The following KIAA0825 variants were observed in gnomAD, a reference collection of about 807,000 sequenced individuals.
KIAA0825 encodes uncharacterized protein KIAA0825.
A neutral mutation model predicts 147.6 loss-of-function variants in KIAA0825; 119 were observed. The observed-to-expected ratio is 0.81, with a 90% CI of 0.69 to 0.94. The LOEUF (loss-of-function observed/expected upper bound fraction) is 0.94, where lower values mean the gene tolerates loss of function less well. Ranked by LOEUF, KIAA0825 falls within the 40% of genes least tolerant of loss-of-function variation. KIAA0825 has a pLI of 0.00. For synonymous variants in KIAA0825, 470 were observed against 518.1 expected, an observed-to-expected ratio of 0.91 and a Z score of 1.26; for missense variants, 1,381 against 1,472.7, an observed-to-expected ratio of 0.94 and a Z score of 1.02.
In KIAA0825 at chr5:94,150,893, CATA is replaced by C. The variant is rs1419373520; in HGVS notation, c.*3111_*3113del. ...TTTATAATTTATTTAAAAATTATTT[CATA>C]CTGTTTTCACATAGTAACTGCTAAA... On this transcript the variant is annotated 3_prime_UTR_variant, in exon 21 of 21. Coordinates refer to ENST00000682413, the MANE Select transcript of KIAA0825 (RefSeq NM_001145678.3). Among the ~76,000 whole-genome samples the C allele has an allele frequency of 1.3e-5, 2 of 152,030 alleles. No homozygotes were observed. Among genetic ancestry groups the C allele is most frequent in the African/African-American group, 4.8e-5 (2 of 41,422 alleles).
rs1031260262 is a variant in KIAA0825 at position 94,237,730 on chromosome 5, T to C, written c.3711-83606A>G. Among the ~76,000 whole-genome samples, 5 of 152,282 alleles carry C rather than the reference T, an allele frequency of 3.3e-5. No individual in the cohort carries two copies. The South Asian group carries it at 8.3e-4, about 25-fold the overall frequency. ...ACTCAGTGAAATGCTTTGCCCGTAA[T>C]AGGTACACAACAAGTAGTATTATAA... is the stretch of plus-strand genomic sequence containing the variant. On this transcript the variant is annotated intron_variant, in intron 20 of 20. Transcript: ENST00000682413.
At chr5:94,481,383 T>C (rs1400063833) in intron 6 of KIAA0825, among the ~76,000 whole-genome samples, 3 of 152,092 alleles carry the variant, frequency 2.0e-5, no homozygotes, top group African/African-American at 7.2e-5. Context: ...TAGGTTCCCA[T>C]TGTATGCACT....
At chr5:94,617,354 C>G (rs1790804709) in intron 1 of KIAA0825, among the ~76,000 whole-genome samples, 1 of 152,154 alleles carries the variant, frequency 6.6e-6, no homozygotes, top group African/African-American at 2.4e-5. Context: ...GAATTATTAA[C>G]CAACAAGGCC....
At chr5:94,498,702 A>T (rs1764670524) in intron 5 of KIAA0825, among the ~76,000 whole-genome samples, 1 of 152,222 alleles carries the variant, frequency 6.6e-6, no homozygotes, top group Non-Finnish European at 1.5e-5. Flanking sequence ...TTAATTATTT[A>T]TAGGATAGCT....
chr5:94,235,875 T>C (rs1164750115), intron 20 of KIAA0825, among the ~76,000 whole-genome samples: 1 of 152,178 alleles, frequency 6.6e-6, no homozygotes, highest in Non-Finnish European at 1.5e-5. Context: ...GGGATATCAG[T>C]TTATTGCATG....
intron 1 of KIAA0825, among the ~76,000 whole-genome samples, chr5:94,596,442 G>A (rs1227000164): frequency 6.6e-6 from 1 of 152,130 alleles, no homozygotes; most frequent in African/African-American, 2.4e-5. Flanking sequence ...TGGTCTATGT[G>A]TCTGTTTTTA....
chr5:94,525,164 G>T (rs1019422266), intron 3 of KIAA0825, among the ~76,000 whole-genome samples: 4 of 151,850 alleles, frequency 2.6e-5, no homozygotes, highest in African/African-American at 9.7e-5. Context: ...TATTAAGAAA[G>T]ATTTGATACT....
chr5:94,177,957 A>G (rs1769257897), intron 20 of KIAA0825, among the ~76,000 whole-genome samples: 1 of 152,106 alleles, frequency 6.6e-6, no homozygotes, highest in Admixed American at 6.6e-5. Flanking sequence ...AAATGAATGA[A>G]TTAATAAATG....
intron 17 of KIAA0825, among the ~76,000 whole-genome samples, chr5:94,395,464 G>A (rs181782472): frequency 2.6e-5 from 4 of 152,204 alleles, no homozygotes; most frequent in African/African-American, 9.6e-5. Flanking sequence ...TTAAAGACAG[G>A]AGGACTCTAT....
intron 20 of KIAA0825, among the ~76,000 whole-genome samples, chr5:94,254,463 G>T (rs960953862): frequency 1.1e-4 from 16 of 152,060 alleles, no homozygotes; most frequent in African/African-American, 3.6e-4. Flanking sequence ...AGCATGGACG[G>T]ATTAGTGTAA....
intron 2 of KIAA0825, among the ~76,000 whole-genome samples, chr5:94,554,445 TAAATA>T (rs1201915074): frequency 6.6e-6 from 1 of 152,108 alleles, no homozygotes; most frequent in Non-Finnish European, 1.5e-5. Flanking sequence ...TCACCATTCT[TAAATA>T]TGCACCAGCC....
chr5:94,586,344 A>G (rs1267872026), intron 1 of KIAA0825, among the ~76,000 whole-genome samples: 1 of 152,216 alleles, frequency 6.6e-6, no homozygotes, highest in African/African-American at 2.4e-5. Context: ...GCAATAAAAA[A>G]TGATAAAGGG....
chr5:94,403,010 C>T (rs992470918), intron 16 of KIAA0825, among the ~76,000 whole-genome samples: 11 of 152,002 alleles, frequency 7.2e-5, no homozygotes, highest in Admixed American at 3.3e-4. Context: ...TTGGTGGATG[C>T]GCTGTTCTGA....
At chr5:94,581,154 TTATATC>T (rs1782094689) in intron 2 of KIAA0825, among the ~76,000 whole-genome samples, 1 of 152,136 alleles carries the variant, frequency 6.6e-6, no homozygotes, top group Non-Finnish European at 1.5e-5. Context: ...ATGTGGTTCT[TTATATC>T]TATAGAGGTG....
Position 94,292,427 on chromosome 5 carries a change from C to T in KIAA0825, c.3710+91941G>A, listed in dbSNP as rs1005976082. 9.2e-5 allele frequency among the ~76,000 whole-genome samples: 14 copies of T among 151,952 alleles called. 1 individual carries two copies. Among genetic ancestry groups the T allele is most frequent in the African/African-American group, 3.4e-4 (14 of 41,374 alleles). On this transcript the variant is annotated intron_variant, in intron 20 of 20. Transcript: ENST00000682413. ...ATTACGTTTATTGATTTGTGTATGT[C>T]GAACCAGCCTTGCATCCCAGGGATG...
Position 94,247,165 on chromosome 5 carries a change from A to C in KIAA0825, c.3711-93041T>G, listed in dbSNP as rs193090442. Among the ~76,000 whole-genome samples the C allele has an allele frequency of 9.0e-4, 137 of 152,134 alleles. 1 individual carries two copies. Among genetic ancestry groups the C allele is most frequent in the Admixed American group, 8.8e-3 (135 of 15,276 alleles). ...GCAGCTGAAATTCCCACTATTAGAG[A>C]GTTGCTTCTTTGGGAACTTTGTGTA... On this transcript the variant is annotated intron_variant, in intron 20 of 20. Transcript: ENST00000682413.
intron 5 of KIAA0825, among the ~76,000 whole-genome samples, chr5:94,517,388 T>C (rs934655489): frequency 6.6e-6 from 1 of 152,100 alleles, no homozygotes; most frequent in Admixed American, 6.6e-5. Context: ...TACATATTAA[T>C]AAGTAATCAC....
intron 20 of KIAA0825, among the ~76,000 whole-genome samples, chr5:94,278,568 T>C (rs965099343): frequency 1.3e-5 from 2 of 152,116 alleles, no homozygotes; most frequent in Non-Finnish European, 2.9e-5. Context: ...CTAAGTTGTA[T>C]TGTTGAGTTA....
intron 20 of KIAA0825, among the ~76,000 whole-genome samples, chr5:94,330,579 T>C (rs1248915124): frequency 1.3e-5 from 2 of 152,174 alleles, no homozygotes; most frequent in Non-Finnish European, 2.9e-5. Flanking sequence ...CAGGGAAATT[T>C]ATAACATTAA....
Sources: gnomAD v4.1 joint callset for allele counts (sites outside exome capture counted in the v4.1 genomes callset) on GRCh38, gnomAD v4.1.1 for gene constraint, MANE v1.5 for transcripts, NCBI Gene and HGNC (gene_info 2026-07-23, HGNC 2026-07-21) for gene names.